The following CCT7 variants were observed in gnomAD, a reference collection of about 807,000 sequenced individuals.
CCT7 encodes T-complex protein 1 subunit eta.
CCT7 carries 16 observed loss-of-function variants against 56.6 expected under a neutral mutation model. The observed-to-expected ratio is 0.28, with a 90% CI of 0.19 to 0.43. The LOEUF is 0.43. CCT7 is among the 20% of genes least tolerant of loss of function. The pLI is 1.00. For synonymous variants in CCT7, 262 were observed against 254.8 expected, an observed-to-expected ratio of 1.03 and a Z score of -0.27; for missense variants, 519 against 685.6, an observed-to-expected ratio of 0.76 and a Z score of 2.71.
At chr2:73,239,590 A>G in intron 1 of CCT7, 53 bp from the exon 2 acceptor site, 1 of 1,525,696 alleles carries the variant, frequency 6.6e-7, no homozygotes, top group Non-Finnish European at 9.0e-7. Flanking sequence ...TTCCCCTGCC[A>G]GTCTCATTAT....
chr2:73,243,859 T>C (rs929567457), intron 4 of CCT7, 138 bp from the exon 5 acceptor site: 4 of 736,612 alleles, frequency 5.4e-6, no homozygotes, highest in Non-Finnish European at 9.3e-6. Flanking sequence ...TTACAAGACC[T>C]AGAAGTGTTT....
rs762552228 is a variant in CCT7 at position 73,244,082 on chromosome 2, T to C, written c.446+33T>C. On this transcript the variant is annotated intron_variant, in intron 5 of 11. Transcript: ENST00000258091. ...TGTAGTGGGTTTTTTTTTTTTTTTT[T>C]AAAGAGACGGAGCCTTGCTGTATTG... 3 of 1,449,642 alleles carry C rather than the reference T, an allele frequency of 2.1e-6. No homozygotes were observed. In the Admixed American group the frequency reaches 5.7e-5, roughly 28 times the overall value. The allele number at this position is 1,449,642 out of a possible 1,614,324, so 89.8% of individuals were successfully genotyped here. A position where few individuals can be genotyped will look rare whatever the true frequency, so the allele number is the denominator to read the frequency against.
At chr2:73,249,306 C>A in intron 8 of CCT7, 127 bp downstream of exon 8, 1 of 680,780 alleles carries the variant, frequency 1.5e-6, no homozygotes, top group East Asian at 2.9e-5. Context: ...TTTTTTAACT[C>A]TTTTTTTTCC....
intron 1 of CCT7, among the ~76,000 whole-genome samples, chr2:73,236,383 C>A (rs1476202358): frequency 6.6e-6 from 1 of 151,866 alleles, no homozygotes. Flanking sequence ...GCTCTGTTGC[C>A]CAGGCTGGAG....
In CCT7 at chr2:73,252,962, C is replaced by G; in HGVS notation, c.*101C>G. On this transcript the variant is annotated 3_prime_UTR_variant, in exon 12 of 12. Transcript: ENST00000258091. ...CAAGGAAGGGGTAGTAATTGGCCCACTCTCTTCTTACTGGAGGCTATTTAA... is the reference window on the plus strand; with the variant it reads ...CAAGGAAGGGGTAGTAATTGGCCCAGTCTCTTCTTACTGGAGGCTATTTAA... 1 of 750,410 alleles carries G rather than the reference C, an allele frequency of 1.3e-6. No homozygotes were observed. Among genetic ancestry groups the G allele is most frequent in the Non-Finnish European group, 2.2e-6 (1 of 454,952 alleles). 46.5% of individuals were successfully genotyped at this position (750,410 alleles called of 1,614,324 possible).
At chr2:73,236,735 G>C (rs1686900592) in intron 1 of CCT7, among the ~76,000 whole-genome samples, 1 of 152,184 alleles carries the variant, frequency 6.6e-6, no homozygotes, top group Admixed American at 6.5e-5. Context: ...TGCTGCTGGG[G>C]AACTGTTAGA....
At position 73,242,995 on chromosome 2, in the gene CCT7, A is replaced by G; in HGVS notation, c.268-9A>G. The G allele has an allele frequency of 1.2e-6, 2 of 1,613,766 alleles. No homozygotes were observed. Among genetic ancestry groups the G allele is most frequent in the African/African-American group, 1.3e-5 (1 of 75,058 alleles). On this transcript the variant is annotated splice_polypyrimidine_tract_variant and intron_variant, in intron 3 of 11. Coordinates refer to ENST00000258091, the MANE Select transcript of CCT7 (RefSeq NM_006429.4). ...CAGAAAACGTGTATTTCCTGTCATC[A>G]TCTTCCAGGTGGGTGATGGCACCAC... is the stretch of plus-strand genomic sequence containing the variant.
intron 11 of CCT7, among the ~76,000 whole-genome samples, chr2:73,252,331 A>G: frequency 6.9e-6 from 1 of 145,474 alleles, no homozygotes; most frequent in East Asian, 2.0e-4. Context: ...TTTGATATAT[A>G]TATATATATA....
In CCT7 at chr2:73,251,238, G is replaced by A; in HGVS notation, c.1216G>A (p.Val406Met). The change falls in exon 11 of 12, where the codon GTG becomes ATG. Residue 406 changes from valine to methionine, a missense_variant. Val to Met is a conservative substitution (Grantham distance 21). Transcript: ENST00000258091. Reference sequence around the variant, plus strand: ...CTGATCTCTGCAGAATGATTCAGTGGTGGCTGGTGGCGGGGCCATTGAGAT... The same window carrying A: ...CTGATCTCTGCAGAATGATTCAGTGATGGCTGGTGGCGGGGCCATTGAGAT... ...VRRAIKNDSV[V>M]AGGGAIEMEL... 6.2e-7 allele frequency: 1 copy of A among 1,614,162 alleles called. No individual in the cohort carries two copies. The highest frequency in any genetic ancestry group is 8.5e-7 in the Non-Finnish European group (1 of 1,180,018).
Position 73,250,450 on chromosome 2 carries a change from A to C in CCT7, c.1203+12A>C. On this transcript the variant is annotated intron_variant, in intron 10 of 11. Coordinates refer to ENST00000258091, the MANE Select transcript of CCT7 (RefSeq NM_006429.4). ...GGAGGGCCATCAAGGTACTGGGCTG[A>C]TATCCTCCTGCTTGCACAGCCTACT... is the stretch of plus-strand genomic sequence containing the variant. 2 of 1,613,418 alleles carry C rather than the reference A, an allele frequency of 1.2e-6. No homozygotes were observed. The highest frequency in any genetic ancestry group is 1.7e-6 in the Non-Finnish European group (2 of 1,179,896).
rs929275315 is a variant in CCT7 at position 73,244,468 on chromosome 2, C to A, written c.447-76C>A. ...AGTTTAGAGACTGGAAGGGAACTAC[C>A]TCCACACTGTAGTAGAATCAGATAA... On this transcript the variant is annotated intron_variant, in intron 5 of 11. Transcript: ENST00000258091. 7 of 1,310,884 alleles carry A rather than the reference C, an allele frequency of 5.3e-6. No homozygotes were observed. In the African/African-American group the frequency reaches 1.0e-4, roughly 19 times the overall value. 81.2% of individuals were successfully genotyped at this position (1,310,884 alleles called of 1,614,324 possible).
Position 73,251,290 on chromosome 2 carries a change from A to G in CCT7, c.1268A>G (p.Tyr423Cys). 6.2e-7 allele frequency: 1 copy of G among 1,614,228 alleles called. No homozygotes were observed. Among genetic ancestry groups the G allele is most frequent in the Non-Finnish European group, 8.5e-7 (1 of 1,180,038 alleles). The change falls in exon 11 of 12, where the codon TAC becomes TGC. Residue 423 changes from tyrosine to cysteine, a missense_variant. This residue lies in a region of CCT7 where 237 missense variants were observed against 300.8 expected (regional missense o/e 0.79). Coordinates refer to ENST00000258091, the MANE Select transcript of CCT7 (RefSeq NM_006429.4). ...GAACTCTCCAAGTACCTGCGGGATT[A>G]CTCAAGGACTATTCCAGGAAAACAG... is the stretch of plus-strand genomic sequence containing the variant. The part of the protein sequence containing the change: ...EMELSKYLRD[Y>C]SRTIPGKQQL...
chr2:73,244,521 C>T, intron 5 of CCT7, 23 bp from the exon 6 acceptor site: 1 of 1,589,480 alleles, frequency 6.3e-7, no homozygotes, highest in Non-Finnish European at 8.6e-7. Flanking sequence ...AGACCTGATG[C>T]AGATTCTGCC....
At chr2:73,245,181 A>G (rs930524225) in intron 6 of CCT7, among the ~76,000 whole-genome samples, 2 of 152,246 alleles carry the variant, frequency 1.3e-5, no homozygotes, top group African/African-American at 4.8e-5. Context: ...CCCCTGCCCC[A>G]TATACAGCCA....
intron 6 of CCT7, among the ~76,000 whole-genome samples, chr2:73,245,417 G>A (rs1048089312): frequency 2.0e-5 from 3 of 152,132 alleles, no homozygotes; most frequent in Non-Finnish European, 2.9e-5. Flanking sequence ...ACATATCTGC[G>A]CTGTCCAATA....
rs57359293 is a variant in CCT7, at chr2:73,252,324, G to GATATATATATAT, written c.1411-300_1411-289dup. Among the ~76,000 whole-genome samples the GATATATATATAT allele has an allele frequency of 5.1e-3, 650 of 127,280 alleles. 8 individuals carry two copies. Among genetic ancestry groups the GATATATATATAT allele is most frequent in the African/African-American group, 0.018 (586 of 33,008 alleles). The allele number at this position is 127,280 out of a possible 152,430, so 83.5% of individuals were successfully genotyped here. A position where few individuals can be genotyped will look rare whatever the true frequency, so the allele number is the denominator to read the frequency against. Reference sequence around the variant, plus strand: ...TGTTTATCTTGAGAACTCATTGTTTGATATATATATATATATATATATATA... The same window carrying GATATATATATAT: ...TGTTTATCTTGAGAACTCATTGTTTGATATATATATATATATATATATATATATATATATATA... On this transcript the variant is annotated intron_variant, in intron 11 of 11. Coordinates refer to ENST00000258091, the MANE Select transcript of CCT7 (RefSeq NM_006429.4).
intron 11 of CCT7, among the ~76,000 whole-genome samples, chr2:73,252,324 GAT>G (rs57359293): frequency 0.099 from 12,573 of 127,108 alleles, 675 homozygotes; most frequent in African/African-American, 0.12. Context: ...CTCATTGTTT[GAT>G]ATATATATAT....
rs189131778 is a variant in CCT7 at position 73,244,339 on chromosome 2, G to A, written c.447-205G>A. ...CCCACAGAGCACAAAAGAAGCTGTCGACTGTAGTTTAAAAGCTGCCACATA... is the reference window on the plus strand; with the variant it reads ...CCCACAGAGCACAAAAGAAGCTGTCAACTGTAGTTTAAAAGCTGCCACATA... On this transcript the variant is annotated intron_variant, in intron 5 of 11. Transcript: ENST00000258091. 2.7e-4 allele frequency: 163 copies of A among 604,062 alleles called. 2 individuals are homozygous for A. The East Asian group carries it at 2.9e-3, about 11-fold the overall frequency. 37.4% of individuals were successfully genotyped at this position (604,062 alleles called of 1,614,324 possible).
chr2:73,243,290 A>G (rs2103782169), intron 4 of CCT7, 161 bp downstream of exon 4: 2 of 731,720 alleles, frequency 2.7e-6, no homozygotes, highest in Non-Finnish European at 4.5e-6. Context: ...ATCTGTAGCC[A>G]TTTGATGAGG....
Sources: allele counts gnomAD v4.1 joint callset (sites outside exome capture counted in the v4.1 genomes callset), GRCh38; gene constraint gnomAD v4.1.1; regional missense constraint gnomAD v4.1.1; transcripts MANE v1.5; gene names NCBI Gene and HGNC (gene_info 2026-07-23, HGNC 2026-07-21).